Variants in NTNG1 observed in about 807,000 individuals in gnomAD.
NTNG1 encodes the protein netrin G1, also known as netrin-G1.
In NTNG1, 16 loss-of-function variants were observed where a neutral mutation model predicts 54.0. The observed-to-expected ratio is 0.30, with a 90% CI of 0.20 to 0.45. The LOEUF (loss-of-function observed/expected upper bound fraction) is 0.45. Ranked by LOEUF, NTNG1 falls within the 20% of genes least tolerant of loss-of-function variation. The probability of loss-of-function intolerance (pLI) is 1.00; values close to 1 mark genes in which losing one functional copy is unlikely to be tolerated. For missense variants in NTNG1, 530 were observed against 678.7 expected, an observed-to-expected ratio of 0.78 and a Z score of 2.43; for synonymous variants, 255 against 263.1, an observed-to-expected ratio of 0.97 and a Z score of 0.30.
intron 5 of NTNG1, 43 bp downstream of exon 5, chr1:107,407,751 G>T (rs770933585): frequency 1.3e-6 from 2 of 1,543,016 alleles, no homozygotes; most frequent in Admixed American, 3.3e-5. Flanking sequence ...ACCAAGTCTA[G>T]GCTAGCTTTG....
At chr1:107,194,072 C>CCATG (rs1258982758) in intron 2 of NTNG1, among the ~76,000 whole-genome samples, 1 of 151,952 alleles carries the variant, frequency 6.6e-6, no homozygotes, top group East Asian at 1.9e-4. Context: ...CATCAACAGA[C>CCATG]CATGCATTCT....
intron 3 of NTNG1, among the ~76,000 whole-genome samples, chr1:107,389,626 T>A (rs983479714): frequency 2.0e-5 from 3 of 152,232 alleles, no homozygotes; most frequent in Admixed American, 1.3e-4. Flanking sequence ...AGCTCACTTT[T>A]TCTTTTAAGT....
intron 2 of NTNG1, among the ~76,000 whole-genome samples, chr1:107,154,842 T>TTGAGTAAAACAAATGTGGCTTATCTAC (rs1230720413): frequency 3.3e-5 from 5 of 151,946 alleles, no homozygotes; most frequent in Non-Finnish European, 7.4e-5. Context: ...CCAGACTATG[T>TTGAGTAAAACAAATGTGGCTTATCTAC]TGAGTAAAAC....
intron 4 of NTNG1, among the ~76,000 whole-genome samples, chr1:107,398,088 G>T (rs779860412): frequency 1.3e-5 from 2 of 152,010 alleles, no homozygotes; most frequent in Non-Finnish European, 2.9e-5. Flanking sequence ...ACAACTTCTG[G>T]TCCCTCAAAA....
chr1:107,186,841 G>T (rs956208597), intron 2 of NTNG1, among the ~76,000 whole-genome samples: 2 of 152,104 alleles, frequency 1.3e-5, no homozygotes, highest in Non-Finnish European at 2.9e-5. Context: ...TATAGGCCAT[G>T]CCCCAGAACT....
At chr1:107,331,644 TA>T (rs1241419142) in intron 3 of NTNG1, among the ~76,000 whole-genome samples, 2 of 152,148 alleles carry the variant, frequency 1.3e-5, no homozygotes, top group Non-Finnish European at 2.9e-5. Context: ...CATCAAACAC[TA>T]AAACAAGTCA....
chr1:107,217,161 G>A (rs900750534), intron 2 of NTNG1, among the ~76,000 whole-genome samples: 3 of 151,988 alleles, frequency 2.0e-5, no homozygotes, highest in African/African-American at 7.3e-5. Flanking sequence ...TTTCTTCCTG[G>A]TTTAATCTAG....
intron 3 of NTNG1, among the ~76,000 whole-genome samples, chr1:107,358,359 ATT>A (rs202227324): frequency 0.089 from 12,959 of 145,116 alleles, 644 homozygotes; most frequent in Admixed American, 0.15. Flanking sequence ...ATAGTACTTA[ATT>A]TTTTTTTTTT....
intron 4 of NTNG1, among the ~76,000 whole-genome samples, chr1:107,399,562 G>A (rs1030786868): frequency 6.6e-6 from 1 of 152,144 alleles, no homozygotes; most frequent in Non-Finnish European, 1.5e-5. Flanking sequence ...GTGTACACAT[G>A]TATGTGTCCT....
At chr1:107,147,242 G>T (rs1441396338) in intron 1 of NTNG1, among the ~76,000 whole-genome samples, 2 of 151,860 alleles carry the variant, frequency 1.3e-5, no homozygotes, top group Non-Finnish European at 2.9e-5. Flanking sequence ...CTGCTTCATG[G>T]CCTGTTAACT....
Position 107,481,832 on chromosome 1 carries a change from G to T in NTNG1, c.*992G>T, listed in dbSNP as rs1678732832. On this transcript the variant is annotated 3_prime_UTR_variant, in exon 8 of 8. Coordinates refer to ENST00000370068, the MANE Select transcript of NTNG1 (RefSeq NM_001113226.3). ...TTGCTTTAACACTGGAAGATTTAAA[G>T]AATAAAAACTCCTGCATAAACGATT... 1 of 152,464 alleles carries T rather than the reference G, an allele frequency of 6.6e-6. No homozygotes were observed. Among genetic ancestry groups the T allele is most frequent in the Admixed American group, 6.5e-5 (1 of 15,270 alleles). 9.4% of individuals were successfully genotyped at this position (152,464 alleles called of 1,614,324 possible).
chr1:107,160,185 T>C (rs1470222749), intron 2 of NTNG1, among the ~76,000 whole-genome samples: 1 of 152,204 alleles, frequency 6.6e-6, no homozygotes, highest in African/African-American at 2.4e-5. Flanking sequence ...GTGTTTATTA[T>C]AGAACTCTTG....
chr1:107,304,625 C>T (rs1238741870), intron 2 of NTNG1, among the ~76,000 whole-genome samples: 1 of 152,116 alleles, frequency 6.6e-6, no homozygotes, highest in Non-Finnish European at 1.5e-5. Flanking sequence ...CTTGGACATC[C>T]AGTTGATATT....
intron 7 of NTNG1, among the ~76,000 whole-genome samples, chr1:107,469,812 T>C (rs1677863349): frequency 6.6e-6 from 1 of 152,234 alleles, no homozygotes; most frequent in African/African-American, 2.4e-5. Context: ...TGAATACTAA[T>C]GACAGCAACA....
intron 2 of NTNG1, among the ~76,000 whole-genome samples, chr1:107,240,517 G>C (rs1196924049): frequency 2.0e-5 from 3 of 152,186 alleles, no homozygotes; most frequent in African/African-American, 7.2e-5. Context: ...ACTTAGTAGT[G>C]AAGGTGTCCA....
chr1:107,290,259 A>G (rs79792600), intron 2 of NTNG1, among the ~76,000 whole-genome samples: 5,648 of 152,328 alleles, frequency 0.037, 348 homozygotes, highest in African/African-American at 0.13. Flanking sequence ...CTCACAATTC[A>G]TTGAGTGTTT....
At chr1:107,313,399 G>C (rs916981433) in intron 2 of NTNG1, among the ~76,000 whole-genome samples, 1 of 152,108 alleles carries the variant, frequency 6.6e-6, no homozygotes, top group African/African-American at 2.4e-5. Context: ...AGTATGTTGA[G>C]TTTGAAATTC....
At chr1:107,331,882 G>T (rs910516493) in intron 3 of NTNG1, among the ~76,000 whole-genome samples, 20 of 150,232 alleles carry the variant, frequency 1.3e-4, no homozygotes, top group African/African-American at 4.7e-4. Flanking sequence ...CAAGCTAAAT[G>T]GATATTAAAC....
chr1:107,425,472 T>A (rs1427766386), intron 5 of NTNG1, among the ~76,000 whole-genome samples: 1 of 152,118 alleles, frequency 6.6e-6, no homozygotes, highest in East Asian at 1.9e-4. Flanking sequence ...CTTAGGATAA[T>A]GGCCTGCAGC....
Sources: allele counts gnomAD v4.1 joint callset (sites outside exome capture counted in the v4.1 genomes callset), GRCh38; gene constraint gnomAD v4.1.1; transcripts MANE v1.5; gene names NCBI Gene and HGNC (gene_info 2026-07-23, HGNC 2026-07-21).